IQANK1: variants seen among roughly 807,000 people sequenced by gnomAD.
The protein encoded by IQANK1 is IQ motif and ankyrin repeat domain-containing protein 1.
In IQANK1, 30 loss-of-function variants were observed where a neutral mutation model predicts 22.6. That is an observed-to-expected ratio of 1.33 (90% CI 0.99 to 1.80). IQANK1 has a LOEUF of 1.80. Among genes scored for constraint, IQANK1 ranks in the 40% most tolerant of loss-of-function variants. IQANK1 has a pLI of 0.00. For synonymous variants in IQANK1, 122 were observed against 99.6 expected (o/e 1.23, Z -1.34); for missense variants, 275 against 235.2 (o/e 1.17, Z -1.11).
chr8:143,763,712 C>T (rs1388393194), intron 3 of IQANK1, among the ~76,000 whole-genome samples: 1 of 152,220 alleles, frequency 6.6e-6, no homozygotes, highest in Admixed American at 6.5e-5. Flanking sequence ...AGAGCAGATG[C>T]AGGTGCCATG....
intron 3 of IQANK1, among the ~76,000 whole-genome samples, chr8:143,768,656 G>C (rs904509154): frequency 1.3e-5 from 2 of 151,988 alleles, no homozygotes; most frequent in Admixed American, 6.6e-5. Flanking sequence ...TCCTTTATTT[G>C]TATCACTGTG....
chr8:143,751,711 G>A (rs1221636265), intron 3 of IQANK1, among the ~76,000 whole-genome samples: 2 of 114,188 alleles, frequency 1.8e-5, no homozygotes, highest in African/African-American at 5.6e-5. Context: ...AGACTTAGAA[G>A]TTACCCACAT....
chr8:143,751,625 A>AGT lies in IQANK1; in HGVS notation c.175+11716_175+11717dup, dbSNP rs1554628034. ...AGACTTCATCTCAAAAAAAAAAAAA[A>AGT]GTGTGTGTGTGTGTGTGTGTGTGTG... On this transcript the variant is annotated intron_variant, in intron 3 of 13. Coordinates refer to ENST00000527139, the MANE Select transcript of IQANK1 (RefSeq NM_001381874.1). Among the ~76,000 whole-genome samples the AGT allele has an allele frequency of 2.3e-3, 225 of 95,980 alleles. 5 individuals are homozygous for AGT. The highest frequency in any genetic ancestry group is 7.1e-3 in the African/African-American group (190 of 26,908). The allele number at this position is 95,980 out of a possible 152,430, so 63.0% of individuals were successfully genotyped here.
intron 3 of IQANK1, among the ~76,000 whole-genome samples, chr8:143,756,438 G>A (rs1554628479): frequency 6.6e-6 from 1 of 151,948 alleles, no homozygotes; most frequent in Non-Finnish European, 1.5e-5. Flanking sequence ...AGGTGATGGA[G>A]GAGCACCCCG....
chr8:143,782,689 C>T (rs1157756756), intron 7 of IQANK1, among the ~76,000 whole-genome samples: 2 of 152,174 alleles, frequency 1.3e-5, no homozygotes, highest in Non-Finnish European at 2.9e-5. Flanking sequence ...GTTGGACAGG[C>T]TGGTCTCAAA....
At chr8:143,763,532 G>A (rs1819432654) in intron 3 of IQANK1, among the ~76,000 whole-genome samples, 1 of 152,120 alleles carries the variant, frequency 6.6e-6, no homozygotes, top group East Asian at 1.9e-4. Flanking sequence ...GAATGGTTTG[G>A]TGCCCTCCTC....
rs1383173666 is a variant in IQANK1, at chr8:143,758,464, A to C, written c.176-13024A>C. The C allele has an allele frequency of 6.6e-6, 1 of 152,310 alleles. No individual in the cohort carries two copies. Among genetic ancestry groups the C allele is most frequent in the African/African-American group, 2.4e-5 (1 of 41,422 alleles). 9.4% of individuals were successfully genotyped at this position (152,310 alleles called of 1,614,324 possible). ...GGCAACAAGAGCGAAACTCCATCTC[A>C]AAAAGAAAAAAAAAAGAAGATGAAA... On this transcript the variant is annotated intron_variant, in intron 3 of 13. Transcript: ENST00000527139. This position sits in a 1 kb window ranked among gnomAD's most constrained non-coding sequence, Gnocchi z 4.2.
rs189771677 is a variant in IQANK1 at position 143,768,179 on chromosome 8, G to A, written c.176-3309G>A. On this transcript the variant is annotated intron_variant, in intron 3 of 13. Coordinates refer to ENST00000527139, the MANE Select transcript of IQANK1 (RefSeq NM_001381874.1). ...GTTACAGGTGTGAGCCACTGTGTCC[G>A]GCTGAGGCTCTGTTTCTAAAAATTA... Among the ~76,000 whole-genome samples, 24 of 151,812 alleles carry A rather than the reference G, an allele frequency of 1.6e-4. 1 individual carries two copies. Among genetic ancestry groups the A allele is most frequent in the African/African-American group, 5.6e-4 (23 of 41,440 alleles).
At chr8:143,786,825 C>T (rs1289337972) in intron 7 of IQANK1, among the ~76,000 whole-genome samples, 5 of 152,142 alleles carry the variant, frequency 3.3e-5, no homozygotes, top group African/African-American at 4.8e-5. Flanking sequence ...GGGCTGTGAA[C>T]GCCTGAGGAG....
chr8:143,788,368 C>A (rs1325574126), intron 7 of IQANK1, among the ~76,000 whole-genome samples: 2 of 152,220 alleles, frequency 1.3e-5, no homozygotes, highest in Non-Finnish European at 2.9e-5. Context: ...ACTCACCCGG[C>A]GCAGCTGGGC....
At position 143,755,777 on chromosome 8, in the gene IQANK1, G is replaced by T. The variant is rs576073434; in HGVS notation, c.176-15711G>T. Among the ~76,000 whole-genome samples the T allele has an allele frequency of 1.7e-3, 259 of 152,312 alleles. 1 individual carries two copies. Among genetic ancestry groups the T allele is most frequent in the Non-Finnish European group, 1.8e-3 (124 of 68,024 alleles). ...AGGACACGCAGTGCCCCTTCATGAT[G>T]GAAAGGGTTCAGTGTGGTCAGCCTG... is the stretch of plus-strand genomic sequence containing the variant. On this transcript the variant is annotated intron_variant, in intron 3 of 13. Transcript: ENST00000527139.
At chr8:143,741,102 G>A (rs1200401819) in intron 3 of IQANK1, among the ~76,000 whole-genome samples, 1 of 152,154 alleles carries the variant, frequency 6.6e-6, no homozygotes, top group Non-Finnish European at 1.5e-5. Context: ...CTTTTTCCAG[G>A]TGCAGGCTCC....
intron 3 of IQANK1, among the ~76,000 whole-genome samples, chr8:143,746,922 C>T (rs1819043089): frequency 6.6e-6 from 1 of 151,836 alleles, no homozygotes; most frequent in South Asian, 2.1e-4. Flanking sequence ...CTCTGTTGCC[C>T]AGGCTGGAGT....
At chr8:143,773,018 C>G (rs1819611824) in intron 7 of IQANK1, among the ~76,000 whole-genome samples, 1 of 152,198 alleles carries the variant, frequency 6.6e-6, no homozygotes, top group Non-Finnish European at 1.5e-5. Flanking sequence ...GACAGTCTGG[C>G]TGTCTGGCCG....
intron 3 of IQANK1, among the ~76,000 whole-genome samples, chr8:143,751,678 A>ATATATATATAT (rs1554628061): frequency 5.7e-5 from 8 of 139,144 alleles, no homozygotes; most frequent in South Asian, 2.3e-4. Flanking sequence ...ATATATATAT[A>ATATATATATAT]AAATCCTATA....
intron 7 of IQANK1, among the ~76,000 whole-genome samples, chr8:143,783,869 CTAAG>C (rs1819839809): frequency 2.0e-5 from 3 of 152,150 alleles, no homozygotes; most frequent in Admixed American, 2.0e-4. Context: ...CAACTGTGCC[CTAAG>C]TCAAGTGTCT....
intron 13 of IQANK1, 34 bp downstream of exon 13, chr8:143,790,305 C>T: frequency 1.6e-6 from 2 of 1,231,406 alleles, no homozygotes; most frequent in Non-Finnish European, 2.0e-6. Flanking sequence ...ACACCCCACC[C>T]CACCTCCCTA....
At chr8:143,761,331 G>A (rs953224377) in intron 3 of IQANK1, among the ~76,000 whole-genome samples, 5 of 152,220 alleles carry the variant, frequency 3.3e-5, no homozygotes, top group East Asian at 1.9e-4. Context: ...CTCCGGCCCC[G>A]GGAAGCTGCG....
intron 7 of IQANK1, among the ~76,000 whole-genome samples, chr8:143,784,414 C>T (rs1819849701): frequency 6.6e-6 from 1 of 152,112 alleles, no homozygotes; most frequent in Non-Finnish European, 1.5e-5. Flanking sequence ...TTGTAAGTTT[C>T]CTGAGGTATC....
Sources: gnomAD v4.1 joint callset for allele counts (sites outside exome capture counted in the v4.1 genomes callset) on GRCh38, gnomAD v4.1.1 for gene constraint, Gnocchi (gnomAD v3.1) non-coding constraint, MANE v1.5 for transcripts, NCBI Gene and HGNC (gene_info 2026-07-23, HGNC 2026-07-21) for gene names.